GLIS2: variants seen among roughly 807,000 people sequenced by gnomAD.
The protein encoded by GLIS2 is zinc finger protein GLIS2.
A neutral mutation model predicts 35.6 loss-of-function variants in GLIS2; 14 were observed. The observed-to-expected ratio is 0.39, with a 90% CI of 0.26 to 0.61. The LOEUF (loss-of-function observed/expected upper bound fraction) is 0.61, where lower values mean the gene tolerates loss of function less well. GLIS2 is among the 20% of genes least tolerant of loss of function. The probability of loss-of-function intolerance (pLI) is 0.48; values close to 1 mark genes in which losing one functional copy is unlikely to be tolerated. For missense variants in GLIS2, 675 were observed against 713.4 expected (o/e 0.95, Z 0.61); for synonymous variants, 368 against 325.1 (o/e 1.13, Z -1.42).
At chr16:4,321,325 C>G (rs1416778905) in intron 1 of GLIS2, among the ~76,000 whole-genome samples, 2 of 152,230 alleles carry the variant, frequency 1.3e-5, no homozygotes, top group African/African-American at 4.8e-5. Flanking sequence ...AGGAGACCAG[C>G]CCCTGCTTCT....
rs748243666 is a variant in GLIS2, at chr16:4,336,918, C to T, written c.969C>T (p.His323=). 2.2e-5 allele frequency: 36 copies of T among 1,612,782 alleles called. No individual in the cohort carries two copies. In the Admixed American group the frequency reaches 2.5e-4, roughly 11 times the overall value. The change falls in exon 7 of 7, where the codon CAC becomes CAT. Residue 323 remains histidine (H), a synonymous_variant. Transcript: ENST00000433375. ...AGGCCCATGGCCACTTTGTGTCCCA[C>T]GAGCAGCAAGAGCTCCTGCAGCTGC... ...HIKAHGHFVS[H]EQQELLQLRP...
At chr16:4,336,474 G>A (rs1317386634) in intron 6 of GLIS2, 1 of 614,262 alleles carries the variant, frequency 1.6e-6, no homozygotes, top group Non-Finnish European at 2.9e-6. Context: ...CTGCTGAAAG[G>A]CACATCCTCT....
chr16:4,336,650 A>G, intron 6 of GLIS2, 75 bp from the exon 7 acceptor site: 1 of 1,435,808 alleles, frequency 7.0e-7, no homozygotes, highest in Non-Finnish European at 9.6e-7. Flanking sequence ...GCCCGGGGAA[A>G]TGTTGAGTGC....
At chr16:4,333,894 C>T (rs2053522931) in intron 3 of GLIS2, among the ~76,000 whole-genome samples, 1 of 152,206 alleles carries the variant, frequency 6.6e-6, no homozygotes. Flanking sequence ...GGGAAGATCG[C>T]TTGAGCCCAG....
Position 4,332,289 on chromosome 16 carries a change from C to T in GLIS2, c.9C>T (p.Ser3=). ...ACTCCGGCCCCCTCACCATGCACTCCCTGGACGAGCCGCTCGACCTGAAGC... is the reference window on the plus strand; with the variant it reads ...ACTCCGGCCCCCTCACCATGCACTCTCTGGACGAGCCGCTCGACCTGAAGC... MH[S]LDEPLDLKLS... Residue 3 remains serine (S), a synonymous_variant, in exon 2 of 7, where the codon TCC becomes TCT. Coordinates refer to ENST00000433375, the MANE Select transcript of GLIS2 (RefSeq NM_032575.3). The surrounding 1 kb of genome is among the most constrained non-coding windows in gnomAD (Gnocchi z 5.4). The T allele has an allele frequency of 6.2e-7, 1 of 1,612,380 alleles. No individual in the cohort carries two copies. The highest frequency in any genetic ancestry group is 8.5e-7 in the Non-Finnish European group (1 of 1,179,826).
intron 3 of GLIS2, among the ~76,000 whole-genome samples, chr16:4,334,275 T>A (rs35531060): frequency 0.11 from 15,010 of 140,396 alleles, 1,066 homozygotes; most frequent in African/African-American, 0.2. Flanking sequence ...TCTAGCTCTG[T>A]CACCCAGGCT....
chr16:4,323,434 G>A (rs1428529447), intron 1 of GLIS2, among the ~76,000 whole-genome samples: 1 of 152,156 alleles, frequency 6.6e-6, no homozygotes, highest in Non-Finnish European at 1.5e-5. Context: ...ACATAGTTGT[G>A]CAAAGGTGCA....
At chr16:4,329,781 C>T (rs971661438) in intron 1 of GLIS2, among the ~76,000 whole-genome samples, 4 of 152,164 alleles carry the variant, frequency 2.6e-5, no homozygotes, top group African/African-American at 9.7e-5. Flanking sequence ...ACCCCAATAC[C>T]GCGAAAGACG....
chr16:4,337,437 A>G lies in GLIS2; in HGVS notation c.1488A>G (p.Ser496=). The G allele has an allele frequency of 3.8e-6, 6 of 1,581,424 alleles. No individual in the cohort carries two copies. The highest frequency in any genetic ancestry group is 5.1e-6 in the Non-Finnish European group (6 of 1,166,296). Residue 496 remains serine (S), a synonymous_variant, in exon 7 of 7, where the codon TCA becomes TCG. Transcript: ENST00000433375. The part of the protein sequence containing the change: ...TVLDLSTGVN[S]AASSPEALAP... ...TGGACCTGTCCACGGGCGTCAACTCAGCTGCCAGCAGCCCAGAGGCGTTGG... is the reference window on the plus strand; with the variant it reads ...TGGACCTGTCCACGGGCGTCAACTCGGCTGCCAGCAGCCCAGAGGCGTTGG...
rs758837618 is a variant in GLIS2, at chr16:4,332,471, G to C, written c.172+19G>C. ...CCCTCAGGTACTGGCCCTGGGCAGG[G>C]CAGGGGGACTTAGCCCTGATCCAGT... is the stretch of plus-strand genomic sequence containing the variant. On this transcript the variant is annotated intron_variant, in intron 2 of 6. Coordinates refer to ENST00000433375, the MANE Select transcript of GLIS2 (RefSeq NM_032575.3). The surrounding 1 kb of genome is among the most constrained non-coding windows in gnomAD (Gnocchi z 5.4). The C allele has an allele frequency of 6.2e-7, 1 of 1,608,502 alleles. No homozygotes were observed. The highest frequency in any genetic ancestry group is 1.1e-5 in the South Asian group (1 of 90,812).
At position 4,337,924 on chromosome 16, in the gene GLIS2, G is replaced by A. The variant is rs1457534616; in HGVS notation, c.*400G>A. The A allele has an allele frequency of 4.4e-5, 16 of 360,740 alleles. No individual in the cohort carries two copies. The highest frequency in any genetic ancestry group is 2.1e-5 in the Non-Finnish European group (4 of 190,338). The allele number at this position is 360,740 out of a possible 1,614,324, so 22.3% of individuals were successfully genotyped here. A position where few individuals can be genotyped will look rare whatever the true frequency, so the allele number is the denominator to read the frequency against. ...GGGTGGGGTGGCATCTGCCCTCCCT[G>A]CTAGCACCAGGCTCCCCCTTCCTGA... On this transcript the variant is annotated 3_prime_UTR_variant, in exon 7 of 7. Coordinates refer to ENST00000433375, the MANE Select transcript of GLIS2 (RefSeq NM_032575.3).
At chr16:4,321,091 G>A (rs772893207) in intron 1 of GLIS2, among the ~76,000 whole-genome samples, 6 of 152,250 alleles carry the variant, frequency 3.9e-5, no homozygotes, top group Non-Finnish European at 8.8e-5. Flanking sequence ...GAGGGCATGG[G>A]CTGGAGTCCT....
rs1352729451 is a variant in GLIS2, at chr16:4,320,937, G to C, written c.-67+4683G>C. Among the ~76,000 whole-genome samples, 1 of 152,184 alleles carries C rather than the reference G, an allele frequency of 6.6e-6. No homozygotes were observed. Among genetic ancestry groups the C allele is most frequent in the African/African-American group, 2.4e-5 (1 of 41,448 alleles). ...TAGGGCCACTGGGCCCCGAGGGCCT[G>C]GAGCCACCAGGCCTGGCAGATCCTG... is the stretch of plus-strand genomic sequence containing the variant. On this transcript the variant is annotated intron_variant, in intron 1 of 6. Coordinates refer to ENST00000433375, the MANE Select transcript of GLIS2 (RefSeq NM_032575.3). The surrounding 1 kb of genome is among the most constrained non-coding windows in gnomAD (Gnocchi z 5.6).
chr16:4,337,570 A>C lies in GLIS2; in HGVS notation c.*46A>C. 1 of 1,536,848 alleles carries C rather than the reference A, an allele frequency of 6.5e-7. No individual in the cohort carries two copies. Among genetic ancestry groups the C allele is most frequent in the Non-Finnish European group, 8.7e-7 (1 of 1,146,908 alleles). On this transcript the variant is annotated 3_prime_UTR_variant, in exon 7 of 7. Coordinates refer to ENST00000433375, the MANE Select transcript of GLIS2 (RefSeq NM_032575.3). Reference sequence around the variant, plus strand: ...TGGTGCCCCCCCGGCAGCTCCCGGCACTGCCCCCGACGAACGGAAACTCTT... The same window carrying C: ...TGGTGCCCCCCCGGCAGCTCCCGGCCCTGCCCCCGACGAACGGAAACTCTT...
In GLIS2 at chr16:4,335,395, T is replaced by C. The variant is rs1287681856; in HGVS notation, c.775+2T>C. On this transcript the variant is annotated splice_donor_variant, in intron 6 of 6. Coordinates refer to ENST00000433375, the MANE Select transcript of GLIS2 (RefSeq NM_032575.3). LOFTEE classifies it high-confidence loss of function. This position sits in a 1 kb window ranked among gnomAD's most constrained non-coding sequence, Gnocchi z 4.6. Reference sequence around the variant, plus strand: ...AGATCCACAACCGGTCGCACACAGGTAAGAGGCCGGGGCCGGGCGGCTTGG... The same window carrying C: ...AGATCCACAACCGGTCGCACACAGGCAAGAGGCCGGGGCCGGGCGGCTTGG... 1 of 1,613,110 alleles carries C rather than the reference T, an allele frequency of 6.2e-7. No homozygotes were observed. The highest frequency in any genetic ancestry group is 8.5e-7 in the Non-Finnish European group (1 of 1,179,884).
intron 1 of GLIS2, among the ~76,000 whole-genome samples, chr16:4,327,774 CCG>C (rs1181749218): frequency 6.6e-6 from 1 of 151,414 alleles, no homozygotes; most frequent in Admixed American, 6.6e-5. Context: ...GCGGCCGCCC[CCG>C]CGCGCTTCCT....
chr16:4,334,385 G>A (rs955429188), intron 3 of GLIS2, among the ~76,000 whole-genome samples: 21 of 151,430 alleles, frequency 1.4e-4, no homozygotes, highest in African/African-American at 4.6e-4. Context: ...TTACAGGCAT[G>A]TGCCATCACG....
Position 4,337,739 on chromosome 16 carries a change from G to A in GLIS2, c.*215G>A. On this transcript the variant is annotated 3_prime_UTR_variant, in exon 7 of 7. Coordinates refer to ENST00000433375, the MANE Select transcript of GLIS2 (RefSeq NM_032575.3). ...GTCATGCAGGGAGAGCTGTGCTCCT[G>A]GGTGCTGAAGCCTCGCTCCTGTCTG... 1 of 671,098 alleles carries A rather than the reference G, an allele frequency of 1.5e-6. No individual in the cohort carries two copies. The highest frequency in any genetic ancestry group is 2.4e-5 in the Admixed American group (1 of 42,446). 41.6% of individuals were successfully genotyped at this position (671,098 alleles called of 1,614,324 possible).
In GLIS2 at chr16:4,337,733, G is replaced by A; in HGVS notation, c.*209G>A. On this transcript the variant is annotated 3_prime_UTR_variant, in exon 7 of 7. Transcript: ENST00000433375. ...TGGCCTGTCATGCAGGGAGAGCTGT[G>A]CTCCTGGGTGCTGAAGCCTCGCTCC... is the stretch of plus-strand genomic sequence containing the variant. 1 of 683,086 alleles carries A rather than the reference G, an allele frequency of 1.5e-6. No individual in the cohort carries two copies. Among genetic ancestry groups the A allele is most frequent in the South Asian group, 1.8e-5 (1 of 56,988 alleles). The allele number at this position is 683,086 out of a possible 1,614,324, so 42.3% of individuals were successfully genotyped here.
Sources: gnomAD v4.1 joint callset for allele counts (sites outside exome capture counted in the v4.1 genomes callset) on GRCh38, gnomAD v4.1.1 for gene constraint, Gnocchi (gnomAD v3.1) non-coding constraint, MANE v1.5 for transcripts, NCBI Gene and HGNC (gene_info 2026-07-23, HGNC 2026-07-21) for gene names.